HTR2C: variants seen among roughly 807,000 people sequenced by gnomAD.
The protein encoded by HTR2C is 5-hydroxytryptamine (serotonin) receptor 2C, G protein-coupled.
HTR2C carries 5 observed loss-of-function variants against 21.0 expected under a neutral mutation model. That is an observed-to-expected ratio of 0.24 (90% CI 0.12 to 0.50). HTR2C has a LOEUF of 0.50. HTR2C is among the 20% of genes least tolerant of loss of function. HTR2C has a pLI of 0.98. For missense variants in HTR2C, 271 were observed against 371.2 expected, an observed-to-expected ratio of 0.73 and a Z score of 2.22; for synonymous variants, 150 against 145.3, an observed-to-expected ratio of 1.03 and a Z score of -0.23.
At chrX:114,860,680 A>G (rs1345861306) in intron 5 of HTR2C, among the ~76,000 whole-genome samples, 3 of 110,104 alleles carry the variant, frequency 2.7e-5, no homozygotes, top group Admixed American at 9.7e-5. Context: ...GGTAAATTTG[A>G]TGTAAGATAA....
intron 2 of HTR2C, among the ~76,000 whole-genome samples, chrX:114,671,962 A>C (rs1556411796): frequency 8.9e-6 from 1 of 111,770 alleles, no homozygotes; most frequent in African/African-American, 3.2e-5. Context: ...ATGAATAATA[A>C]CAGTACCCAA....
chrX:114,799,963 C>T (rs1487185612), intron 4 of HTR2C, among the ~76,000 whole-genome samples: 2 of 111,096 alleles, frequency 1.8e-5, no homozygotes, highest in African/African-American at 6.5e-5. Flanking sequence ...ATTAATTTAA[C>T]TGATATTCAT....
chrX:114,739,093 AG>A (rs1338984406), intron 4 of HTR2C, among the ~76,000 whole-genome samples: 1 of 111,222 alleles, frequency 9.0e-6, no homozygotes. Context: ...CAAAATTTAT[AG>A]CTTTTTTGAT....
intron 2 of HTR2C, among the ~76,000 whole-genome samples, chrX:114,642,975 GA>G (rs1930196611): frequency 9.1e-6 from 1 of 110,318 alleles, no homozygotes. Flanking sequence ...AGTAAATCAA[GA>G]AAAAAATTCA....
Position 114,907,658 on chromosome X carries a change from A to C in HTR2C, c.*243A>C. On this transcript the variant is annotated 3_prime_UTR_variant, in exon 6 of 6. Coordinates refer to ENST00000276198, the MANE Select transcript of HTR2C (RefSeq NM_000868.4). ...TGATTGTTTGATGAATAAAATGTTT[A>C]TTTTTGCTCTCCCTCCCTTCTTTCC... is the stretch of plus-strand genomic sequence containing the variant. 3.4e-6 allele frequency: 1 copy of C among 291,125 alleles called. No homozygotes were observed. Among genetic ancestry groups the C allele is most frequent in the Non-Finnish European group, 6.0e-6 (1 of 166,156 alleles). The allele number at this position is 291,125 out of a possible 1,213,427, so 24.0% of individuals were successfully genotyped here.
chrX:114,597,108 T>G (rs782518103), intron 1 of HTR2C, among the ~76,000 whole-genome samples: 94 of 107,119 alleles, frequency 8.8e-4, no homozygotes, highest in South Asian at 1.7e-3. Flanking sequence ...ATCCCAGCTA[T>G]TTGGGAGGCT....
intron 5 of HTR2C, among the ~76,000 whole-genome samples, chrX:114,901,026 G>T (rs978474749): frequency 1.8e-5 from 2 of 112,280 alleles, no homozygotes; most frequent in Non-Finnish European, 3.8e-5. Context: ...CTTTCCAGAA[G>T]ATGTCAAAAG....
chrX:114,751,462 A>G (rs1054248415), intron 4 of HTR2C, among the ~76,000 whole-genome samples: 2 of 112,113 alleles, frequency 1.8e-5, no homozygotes, highest in Non-Finnish European at 3.8e-5. Flanking sequence ...TACATTTAAA[A>G]GGCAGGAGAA....
At chrX:114,679,013 A>T (rs1326123906) in intron 2 of HTR2C, among the ~76,000 whole-genome samples, 5 of 111,838 alleles carry the variant, frequency 4.5e-5, no homozygotes, top group African/African-American at 1.3e-4. Context: ...GAAAAGTAAA[A>T]TGTTGGAAAC....
chrX:114,829,957 G>C (rs930119495), intron 4 of HTR2C, among the ~76,000 whole-genome samples: 5 of 110,973 alleles, frequency 4.5e-5, no homozygotes, highest in Non-Finnish European at 9.4e-5. Flanking sequence ...GGCTATTCGA[G>C]ATCCCTTAAG....
chrX:114,718,319 C>T (rs782704688), intron 2 of HTR2C, among the ~76,000 whole-genome samples: 2 of 112,146 alleles, frequency 1.8e-5, no homozygotes, highest in East Asian at 5.6e-4. Flanking sequence ...GTGAGTGATA[C>T]GGATTCTGAT....
intron 4 of HTR2C, among the ~76,000 whole-genome samples, chrX:114,733,874 G>GA (rs782398376): frequency 9.0e-6 from 1 of 110,546 alleles, no homozygotes; most frequent in African/African-American, 3.3e-5. Flanking sequence ...AGCTACTATA[G>GA]AAAAAAATCA....
At chrX:114,879,790 G>T (rs1466709795) in intron 5 of HTR2C, among the ~76,000 whole-genome samples, 6 of 111,057 alleles carry the variant, frequency 5.4e-5, no homozygotes, top group Admixed American at 9.6e-5. Context: ...TGGCTGAGTA[G>T]TATTCCATCA....
At chrX:114,890,620 A>G (rs184708020) in intron 5 of HTR2C, among the ~76,000 whole-genome samples, 114 of 112,012 alleles carry the variant, frequency 1.0e-3, no homozygotes, top group Non-Finnish European at 1.3e-3. Context: ...CTGGATATAG[A>G]ATTGTTTGTT....
chrX:114,861,005 T>C (rs782762862), intron 5 of HTR2C, among the ~76,000 whole-genome samples: 1 of 111,548 alleles, frequency 9.0e-6, no homozygotes, highest in South Asian at 3.7e-4. Flanking sequence ...CAAATGAATA[T>C]ATTCATCATC....
At chrX:114,741,615 A>T (rs2069650067) in intron 4 of HTR2C, among the ~76,000 whole-genome samples, 1 of 11,435 alleles carries the variant, frequency 8.7e-5, no homozygotes, top group Non-Finnish European at 3.3e-4. Flanking sequence ...GGAAACATTA[A>T]AAAAAAAAAA....
chrX:114,880,312 T>A (rs1404372851), intron 5 of HTR2C, among the ~76,000 whole-genome samples: 1 of 110,932 alleles, frequency 9.0e-6, no homozygotes, highest in African/African-American at 3.3e-5. Context: ...TGGCCTTTTT[T>A]ATCTGCCTTG....
In HTR2C at chrX:114,852,847, G is replaced by A. The variant is rs782443766; in HGVS notation, c.550+4644G>A. Among the ~76,000 whole-genome samples the A allele has an allele frequency of 1.9e-4, 21 of 109,715 alleles. No homozygotes were observed. The Admixed American group carries it at 2.0e-3, about 10-fold the overall frequency. ...CTGTCTTGTGTGTTTGTGTGCGCGC[G>A]CGCGTGCATGTGTGTGTTTCATATT... On this transcript the variant is annotated intron_variant, in intron 5 of 5. Transcript: ENST00000276198.
chrX:114,904,396 C>T (rs968955232), intron 5 of HTR2C, among the ~76,000 whole-genome samples: 15 of 111,402 alleles, frequency 1.3e-4, no homozygotes, highest in Admixed American at 7.7e-4. Flanking sequence ...TAACTCCAAA[C>T]ATCATAATAC....
Sources: gnomAD v4.1 joint callset for allele counts (sites outside exome capture counted in the v4.1 genomes callset) on GRCh38, gnomAD v4.1.1 for gene constraint, MANE v1.5 for transcripts, NCBI Gene and HGNC (gene_info 2026-07-23, HGNC 2026-07-21) for gene names.